OR51D1: variants seen among roughly 807,000 people sequenced by gnomAD.
OR51D1 encodes olfactory receptor 51D1.
For synonymous variants in OR51D1, 187 were observed against 161.1 expected, an observed-to-expected ratio of 1.16 and a Z score of -1.22; for missense variants, 452 against 396.2, an observed-to-expected ratio of 1.14 and a Z score of -1.20.
At chr11:4,638,370 A>G (rs1846922521) in intron 1 of OR51D1, among the ~76,000 whole-genome samples, 2 of 152,158 alleles carry the variant, frequency 1.3e-5, no homozygotes, top group Admixed American at 6.5e-5. Flanking sequence ...GGTAGGTTAT[A>G]TGGCTGAATC....
chr11:4,642,855 G>A lies in OR51D1; in HGVS notation c.*2090G>A, dbSNP rs74398880. The A allele has an allele frequency of 6.6e-6, 1 of 152,298 alleles. No individual in the cohort carries two copies. Among genetic ancestry groups the A allele is most frequent in the East Asian group, 1.9e-4 (1 of 5,174 alleles). 9.4% of individuals were successfully genotyped at this position (152,298 alleles called of 1,614,324 possible). On this transcript the variant is annotated 3_prime_UTR_variant, in exon 2 of 2. Coordinates refer to ENST00000641817, the MANE Select transcript of OR51D1 (RefSeq NM_001004751.3). The stretch of plus-strand genomic sequence containing the variant: ...GAGGTTAATGGAGGCAGCAGAGATG[G>A]CTCCAGGGTTCTGATAGCAAGTGTC...
rs767075086 is a variant in OR51D1 at position 4,640,398 on chromosome 11, C to A, written c.608C>A (p.Thr203Asn). Residue 203 changes from threonine (T) to asparagine (N), a missense_variant, in exon 2 of 2, where the codon ACT becomes AAT. Physicochemically the swap from Thr to Asn is moderately conservative, Grantham distance 65. Coordinates refer to ENST00000641817, the MANE Select transcript of OR51D1 (RefSeq NM_001004751.3). ...CAAGATATTATGAAGCTGTCCTGTA[C>A]TGACACCAGGGTCAATGTGGTTTAT... Reference protein sequence around the residue: ...LHQDIMKLSCTDTRVNVVYGL... With the variant: ...LHQDIMKLSCNDTRVNVVYGL... 4.3e-6 allele frequency: 7 copies of A among 1,614,134 alleles called. No individual in the cohort carries two copies. The highest frequency in any genetic ancestry group is 8.5e-7 in the Non-Finnish European group (1 of 1,180,052).
At chr11:4,639,730 A>G (rs1343669854) in intron 1 of OR51D1, 47 bp from the exon 2 acceptor site, 8 of 1,552,400 alleles carry the variant, frequency 5.2e-6, no homozygotes, top group Non-Finnish European at 6.1e-6. Flanking sequence ...CTCTCCTCTG[A>G]GCCACAACTA....
In OR51D1 at chr11:4,641,113, C is replaced by T. The variant is rs940019839; in HGVS notation, c.*348C>T. 3.1e-5 allele frequency: 7 copies of T among 227,454 alleles called. No homozygotes were observed. 14.1% of individuals were successfully genotyped at this position (227,454 alleles called of 1,614,324 possible). ...TTTAATGTTCTTGCCCCCATGTGCC[C>T]ATGTTGGTGAATTTGCATGGACTAT... On this transcript the variant is annotated 3_prime_UTR_variant, in exon 2 of 2. Coordinates refer to ENST00000641817, the MANE Select transcript of OR51D1 (RefSeq NM_001004751.3).
At position 4,641,345 on chromosome 11, in the gene OR51D1, C is replaced by T. The variant is rs1846966076; in HGVS notation, c.*580C>T. ...GTATGGCTCTATATGACTATTTGTC[C>T]ATAAGGGTGCCATGTATTCTGGTTG... On this transcript the variant is annotated 3_prime_UTR_variant, in exon 2 of 2. Transcript: ENST00000641817. The T allele has an allele frequency of 6.5e-6, 1 of 154,524 alleles. No individual in the cohort carries two copies. The highest frequency in any genetic ancestry group is 2.4e-5 in the African/African-American group (1 of 41,408). The allele number at this position is 154,524 out of a possible 1,614,324, so 9.6% of individuals were successfully genotyped here. A position where few individuals can be genotyped will look rare whatever the true frequency, so the allele number is the denominator to read the frequency against.
Position 4,640,672 on chromosome 11 carries a change from G to T in OR51D1, c.882G>T (p.Leu294=). ...LHVVMANTYL[L]LPPVVNPLVY... is the part of the protein sequence containing the mutation. Reference sequence around the variant, plus strand: ...TGGTTATGGCTAATACCTACTTGCTGCTACCACCTGTAGTCAACCCCCTTG... The same window carrying T: ...TGGTTATGGCTAATACCTACTTGCTTCTACCACCTGTAGTCAACCCCCTTG... The change falls in exon 2 of 2, where the codon CTG becomes CTT. Residue 294 remains leucine (L), a synonymous_variant. Coordinates refer to ENST00000641817, the MANE Select transcript of OR51D1 (RefSeq NM_001004751.3). 6.2e-7 allele frequency: 1 copy of T among 1,613,788 alleles called. No individual in the cohort carries two copies. Among genetic ancestry groups the T allele is most frequent in the Non-Finnish European group, 8.5e-7 (1 of 1,179,972 alleles).
rs138099428 is a variant in OR51D1, at chr11:4,639,990, G to A, written c.200G>A (p.Arg67Gln). ...TIVLIIRVER[R>Q]LHEPMYLFLA... is the part of the protein sequence containing the mutation. ...GTCCTCATCATTCGTGTGGAGAGGCGACTGCATGAGCCCATGTACCTCTTC... is the reference window on the plus strand; with the variant it reads ...GTCCTCATCATTCGTGTGGAGAGGCAACTGCATGAGCCCATGTACCTCTTC... The change falls in exon 2 of 2, where the codon CGA (arginine) becomes CAA (glutamine). Residue 67 changes from arginine to glutamine, a missense_variant. Arg to Gln is a conservative substitution (Grantham distance 43). Transcript: ENST00000641817. The A allele has an allele frequency of 6.9e-5, 111 of 1,613,988 alleles. No individual in the cohort carries two copies. In the Middle Eastern group the frequency reaches 8.2e-4, roughly 12 times the overall value.
At position 4,640,934 on chromosome 11, in the gene OR51D1, C is replaced by G. The variant is rs1451728490; in HGVS notation, c.*169C>G. The G allele has an allele frequency of 1.6e-6, 1 of 616,670 alleles. No individual in the cohort carries two copies. 38.2% of individuals were successfully genotyped at this position (616,670 alleles called of 1,614,324 possible). A position where few individuals can be genotyped will look rare whatever the true frequency, so the allele number is the denominator to read the frequency against. ...AATGTGTCAGTACTGAACTTATGACCCTGTCTGGACATCCTGGAGAATGAC... is the reference window on the plus strand; with the variant it reads ...AATGTGTCAGTACTGAACTTATGACGCTGTCTGGACATCCTGGAGAATGAC... On this transcript the variant is annotated 3_prime_UTR_variant, in exon 2 of 2. Transcript: ENST00000641817.
chr11:4,640,447 C>T lies in OR51D1; in HGVS notation c.657C>T (p.Val219=), dbSNP rs549068177. The change falls in exon 2 of 2, where the codon GTC becomes GTT. Residue 219 remains valine, a synonymous_variant. Transcript: ENST00000641817. ...VVYGLFIILS[V]MGVDSLFIGF... ...ATGGACTCTTCATCATCCTCTCAGT[C>T]ATGGGTGTGGACTCTCTCTTCATTG... 9.3e-6 allele frequency: 15 copies of T among 1,614,156 alleles called. No homozygotes were observed. In the South Asian group the frequency reaches 1.4e-4, roughly 15 times the overall value.
In OR51D1 at chr11:4,640,312, C is replaced by T. The variant is rs1846949470; in HGVS notation, c.522C>T (p.Phe174=). The change falls in exon 2 of 2, where the codon TTC becomes TTT. Residue 174 remains phenylalanine (F), a synonymous_variant. Transcript: ENST00000641817. ...RGFVFFFPLP[F]ILKWLSYCQT... Reference sequence around the variant, plus strand: ...TTGTATTCTTCTTCCCACTGCCCTTCATCCTCAAGTGGTTGTCCTACTGCC... The same window carrying T: ...TTGTATTCTTCTTCCCACTGCCCTTTATCCTCAAGTGGTTGTCCTACTGCC... 1 of 1,614,192 alleles carries T rather than the reference C, an allele frequency of 6.2e-7. No homozygotes were observed. The highest frequency in any genetic ancestry group is 8.5e-7 in the Non-Finnish European group (1 of 1,180,038).
rs1266324613 is a variant in OR51D1, at chr11:4,642,358, C to T, written c.*1593C>T. ...TCCCTTCCCTTTTTGGCTTATCTGC[C>T]AAACATGTATAAAAGTCCTTGGTTC... On this transcript the variant is annotated 3_prime_UTR_variant, in exon 2 of 2. Transcript: ENST00000641817. 3 of 152,116 alleles carry T rather than the reference C, an allele frequency of 2.0e-5. No individual in the cohort carries two copies. Among genetic ancestry groups the T allele is most frequent in the Admixed American group, 2.0e-4 (3 of 15,266 alleles). 9.4% of individuals were successfully genotyped at this position (152,116 alleles called of 1,614,324 possible). A position where few individuals can be genotyped will look rare whatever the true frequency, so the allele number is the denominator to read the frequency against.
Position 4,640,398 on chromosome 11 carries a change from C to G in OR51D1, c.608C>G (p.Thr203Ser), listed in dbSNP as rs767075086. ...CAAGATATTATGAAGCTGTCCTGTA[C>G]TGACACCAGGGTCAATGTGGTTTAT... The part of the protein sequence containing the change: ...LHQDIMKLSC[T>S]DTRVNVVYGL... The change falls in exon 2 of 2, where the codon ACT becomes AGT. Residue 203 changes from threonine (T) to serine (S), a missense_variant. Transcript: ENST00000641817. 4 of 1,614,252 alleles carry G rather than the reference C, an allele frequency of 2.5e-6. No individual in the cohort carries two copies. The highest frequency in any genetic ancestry group is 1.7e-5 in the Admixed American group (1 of 60,032).
In OR51D1 at chr11:4,640,024, G is replaced by A; in HGVS notation, c.234G>A (p.Met78Ile). Residue 78 changes from methionine (M) to isoleucine (I), a missense_variant, in exon 2 of 2, where the codon ATG becomes ATA. Met to Ile is a conservative substitution (Grantham distance 10, BLOSUM62 1). Coordinates refer to ENST00000641817, the MANE Select transcript of OR51D1 (RefSeq NM_001004751.3). ...AGCCCATGTACCTCTTCCTGGCCAT[G>A]CTTTCCACTATTGACCTAGTCCTCT... is the stretch of plus-strand genomic sequence containing the variant. ...LHEPMYLFLA[M>I]LSTIDLVLSS... The A allele has an allele frequency of 1.2e-6, 2 of 1,614,162 alleles. No individual in the cohort carries two copies. The highest frequency in any genetic ancestry group is 1.7e-6 in the Non-Finnish European group (2 of 1,180,020).
chr11:4,639,842 C>G lies in OR51D1; in HGVS notation c.52C>G (p.Leu18Val). The G allele has an allele frequency of 6.2e-7, 1 of 1,614,196 alleles. No individual in the cohort carries two copies. The highest frequency in any genetic ancestry group is 1.1e-5 in the South Asian group (1 of 91,076). Reference sequence around the variant, plus strand: ...TATCATAGCCACTTCAAATGGAAATCTGGTCCACGCAGCATACTTCCTTTT... The same window carrying G: ...TATCATAGCCACTTCAAATGGAAATGTGGTCCACGCAGCATACTTCCTTTT... ...VPIIATSNGN[L>V]VHAAYFLLVG... Residue 18 changes from leucine (L) to valine (V), a missense_variant, in exon 2 of 2, where the codon CTG becomes GTG. Leu to Val is a conservative substitution (Grantham distance 32, BLOSUM62 1). Coordinates refer to ENST00000641817, the MANE Select transcript of OR51D1 (RefSeq NM_001004751.3).
Position 4,640,909 on chromosome 11 carries a change from A to C in OR51D1, c.*144A>C. ...GTAGATCATGTATTCTGTCTCCAGG[A>C]ATGTGTCAGTACTGAACTTATGACC... On this transcript the variant is annotated 3_prime_UTR_variant, in exon 2 of 2. Coordinates refer to ENST00000641817, the MANE Select transcript of OR51D1 (RefSeq NM_001004751.3). 1 of 735,048 alleles carries C rather than the reference A, an allele frequency of 1.4e-6. No individual in the cohort carries two copies. The highest frequency in any genetic ancestry group is 2.2e-6 in the Non-Finnish European group (1 of 457,162). The allele number at this position is 735,048 out of a possible 1,614,324, so 45.5% of individuals were successfully genotyped here. A position where few individuals can be genotyped will look rare whatever the true frequency, so the allele number is the denominator to read the frequency against.
In OR51D1 at chr11:4,640,129, G is replaced by A. The variant is rs1372024113; in HGVS notation, c.339G>A (p.Gln113=). Residue 113 remains glutamine (Q), a synonymous_variant, in exon 2 of 2, where the codon CAG becomes CAA. Coordinates refer to ENST00000641817, the MANE Select transcript of OR51D1 (RefSeq NM_001004751.3). ...QEIEFNICLA[Q]MFLIHALSAV... ...TCGAGTTCAACATTTGCCTGGCCCAGATGTTCCTTATCCATGCTCTGTCAG... is the reference window on the plus strand; with the variant it reads ...TCGAGTTCAACATTTGCCTGGCCCAAATGTTCCTTATCCATGCTCTGTCAG... 2.5e-6 allele frequency: 4 copies of A among 1,614,094 alleles called. No individual in the cohort carries two copies. Among genetic ancestry groups the A allele is most frequent in the South Asian group, 1.1e-5 (1 of 91,088 alleles).
intron 1 of OR51D1, among the ~76,000 whole-genome samples, chr11:4,639,223 G>T (rs770531714): frequency 9.2e-5 from 14 of 152,324 alleles, no homozygotes; most frequent in Middle Eastern, 6.8e-3. Context: ...TTTGAGAAAT[G>T]GTATTCAGGC....
At position 4,642,757 on chromosome 11, in the gene OR51D1, T is replaced by A. The variant is rs115623132; in HGVS notation, c.*1992T>A. ...TCTCACTGTCCTTCCACATGTCTCATTGTTACTCCATATTGGATGGAAGTA... is the reference window on the plus strand; with the variant it reads ...TCTCACTGTCCTTCCACATGTCTCAATGTTACTCCATATTGGATGGAAGTA... On this transcript the variant is annotated 3_prime_UTR_variant, in exon 2 of 2. Transcript: ENST00000641817. 1 of 152,186 alleles carries A rather than the reference T, an allele frequency of 6.6e-6. No homozygotes were observed. Among genetic ancestry groups the A allele is most frequent in the African/African-American group, 2.4e-5 (1 of 41,444 alleles). The allele number at this position is 152,186 out of a possible 1,614,324, so 9.4% of individuals were successfully genotyped here. A position where few individuals can be genotyped will look rare whatever the true frequency, so the allele number is the denominator to read the frequency against.
chr11:4,641,645 T>C lies in OR51D1; in HGVS notation c.*880T>C, dbSNP rs1208783736. 6.6e-6 allele frequency: 1 copy of C among 152,458 alleles called. No homozygotes were observed. Among genetic ancestry groups the C allele is most frequent in the African/African-American group, 2.4e-5 (1 of 41,450 alleles). 9.4% of individuals were successfully genotyped at this position (152,458 alleles called of 1,614,324 possible). ...TACCTTTATGTGTATCTGGTAAGAATGCTGCCTCTACCTTTTCTTCCTATT... is the reference window on the plus strand; with the variant it reads ...TACCTTTATGTGTATCTGGTAAGAACGCTGCCTCTACCTTTTCTTCCTATT... On this transcript the variant is annotated 3_prime_UTR_variant, in exon 2 of 2. Coordinates refer to ENST00000641817, the MANE Select transcript of OR51D1 (RefSeq NM_001004751.3).
Sources: allele counts gnomAD v4.1 joint callset (sites outside exome capture counted in the v4.1 genomes callset), GRCh38; gene constraint gnomAD v4.1.1; transcripts MANE v1.5; gene names NCBI Gene and HGNC (gene_info 2026-07-23, HGNC 2026-07-21).